Variants in RPTOR observed in about 807,000 individuals in gnomAD.
RPTOR encodes regulatory-associated protein of mTOR.
RPTOR carries 21 observed loss-of-function variants against 169.9 expected under a neutral mutation model. The ratio of observed to expected loss-of-function variants is 0.12; its 90% CI spans 0.09 to 0.18. The LOEUF is 0.18. RPTOR is among the 10% of genes least tolerant of loss of function. RPTOR has a pLI of 1.00. For synonymous variants in RPTOR, 732 were observed against 753.2 expected (o/e 0.97, Z 0.46); for missense variants, 1,133 against 1,855.9 (o/e 0.61, Z 7.16).
At chr17:80,603,099 G>C (rs1236474001) in intron 1 of RPTOR, among the ~76,000 whole-genome samples, 1 of 152,144 alleles carries the variant, frequency 6.6e-6, no homozygotes, top group Non-Finnish European at 1.5e-5. Context: ...TTTGGCGCCT[G>C]TCTCCCTCAT....
chr17:80,786,166 A>G (rs2066989578), intron 6 of RPTOR, among the ~76,000 whole-genome samples: 1 of 152,198 alleles, frequency 6.6e-6, no homozygotes. Context: ...TTTGCGTGAC[A>G]CATGTCTGTA....
chr17:80,884,540 T>A (rs2068221122), intron 16 of RPTOR, among the ~76,000 whole-genome samples: 1 of 152,186 alleles, frequency 6.6e-6, no homozygotes, highest in South Asian at 2.1e-4. Context: ...AGGCAAGGGC[T>A]AAGCCAGGGT....
chr17:80,593,447 C>T (rs2065122162), intron 1 of RPTOR: 1 of 154,766 alleles, frequency 6.5e-6, no homozygotes, highest in Non-Finnish European at 1.5e-5. Flanking sequence ...ACTTCAAGCA[C>T]CAGCTAGGAC....
At chr17:80,865,982 G>A (rs927866839) in intron 13 of RPTOR, among the ~76,000 whole-genome samples, 16 of 152,062 alleles carry the variant, frequency 1.1e-4, no homozygotes, top group African/African-American at 2.7e-4. Context: ...TAGTAGGAAT[G>A]TCTCTAAGCA....
intron 21 of RPTOR, among the ~76,000 whole-genome samples, chr17:80,915,244 C>T (rs566778727): frequency 1.0e-3 from 145 of 139,104 alleles, no homozygotes; most frequent in Admixed American, 3.7e-3. Context: ...GCTGAGCAGA[C>T]GTCGGGAAAA....
At chr17:80,839,346 AT>A (rs2067601670) in intron 10 of RPTOR, among the ~76,000 whole-genome samples, 1 of 152,000 alleles carries the variant, frequency 6.6e-6, no homozygotes, top group South Asian at 2.1e-4. Flanking sequence ...GATTGTGAAA[AT>A]TTTCAAACCT....
chr17:80,581,732 C>A, intron 1 of RPTOR, among the ~76,000 whole-genome samples: 1 of 152,074 alleles, frequency 6.6e-6, no homozygotes, highest in Non-Finnish European at 1.5e-5. Context: ...TGGGCCAGTG[C>A]ATGCCTGCTA....
rs987954843 is a variant in RPTOR, at chr17:80,823,493, G to A, written c.1136+270G>A. Reference sequence around the variant, plus strand: ...AGCCTCACAGCTCTGCAACTCGGGAGGGTAGCACTTTGCAAGAGAGTTTCT... The same window carrying A: ...AGCCTCACAGCTCTGCAACTCGGGAAGGTAGCACTTTGCAAGAGAGTTTCT... On this transcript the variant is annotated intron_variant, in intron 9 of 33. Transcript: ENST00000306801. The surrounding 1 kb of genome is among the most constrained non-coding windows in gnomAD (Gnocchi z 4.5). 7 of 359,150 alleles carry A rather than the reference G, an allele frequency of 1.9e-5. No individual in the cohort carries two copies. The Admixed American group carries it at 2.6e-4, about 13-fold the overall frequency. The allele number at this position is 359,150 out of a possible 1,614,324, so 22.2% of individuals were successfully genotyped here.
intron 3 of RPTOR, among the ~76,000 whole-genome samples, chr17:80,666,573 T>A (rs2065781479): frequency 6.6e-6 from 1 of 152,226 alleles, no homozygotes; most frequent in Non-Finnish European, 1.5e-5. Flanking sequence ...ACTTTGCTAG[T>A]TGCTGTGGAT....
At chr17:80,834,485 CA>C (rs2067541907) in intron 9 of RPTOR, among the ~76,000 whole-genome samples, 1 of 152,198 alleles carries the variant, frequency 6.6e-6, no homozygotes, top group Non-Finnish European at 1.5e-5. Flanking sequence ...CTCTGTGCAT[CA>C]GTGAAACCAG....
chr17:80,660,991 C>T (rs1249242460), intron 3 of RPTOR, among the ~76,000 whole-genome samples: 1 of 152,232 alleles, frequency 6.6e-6, no homozygotes, highest in African/African-American at 2.4e-5. Flanking sequence ...GTTTTCCTCT[C>T]CCTCTGCTGC....
Position 80,707,862 on chromosome 17 carries a change from G to T in RPTOR, c.370G>T (p.Asp124Tyr). Residue 124 changes from aspartate (D) to tyrosine (Y), a missense_variant, in exon 4 of 34, where the codon GAC becomes TAC. Around this residue, in one of 9 missense-constraint regions of RPTOR, gnomAD observed 74 missense variants for 168.3 expected, o/e 0.44. Coordinates refer to ENST00000306801, the MANE Select transcript of RPTOR (RefSeq NM_020761.3). The surrounding 1 kb of genome is among the most constrained non-coding windows in gnomAD (Gnocchi z 5.0). ...QPRARYKQSL[D>Y]PTVDEVKKLC... The stretch of plus-strand genomic sequence containing the variant: ...ACAGGCCCGGTACAAGCAGAGCCTT[G>T]ACCCAACTGTGGATGAAGTCAAGAA... 6.2e-7 allele frequency: 1 copy of T among 1,614,018 alleles called. No individual in the cohort carries two copies. Among genetic ancestry groups the T allele is most frequent in the South Asian group, 1.1e-5 (1 of 91,022 alleles).
rs976880957 is a variant in RPTOR, at chr17:80,965,567, G to A, written c.*1237G>A. ...GTGTTCGTCGGGAATCAGGATTATT[G>A]AGAGGTGAAGGAGCCAGGTGGCTTC... On this transcript the variant is annotated 3_prime_UTR_variant, in exon 34 of 34. Transcript: ENST00000306801. 37 of 233,288 alleles carry A rather than the reference G, an allele frequency of 1.6e-4. No homozygotes were observed. Among genetic ancestry groups the A allele is most frequent in the African/African-American group, 7.9e-4 (36 of 45,372 alleles). The allele number at this position is 233,288 out of a possible 1,614,324, so 14.5% of individuals were successfully genotyped here. A position where few individuals can be genotyped will look rare whatever the true frequency, so the allele number is the denominator to read the frequency against.
At chr17:80,546,803 C>T (rs962416669) in intron 1 of RPTOR, among the ~76,000 whole-genome samples, 1 of 152,150 alleles carries the variant, frequency 6.6e-6, no homozygotes, top group Admixed American at 6.5e-5. Context: ...CCTGTAATCT[C>T]AGCACTTTGG....
chr17:80,740,587 T>A (rs2066473473), intron 5 of RPTOR, among the ~76,000 whole-genome samples: 1 of 152,142 alleles, frequency 6.6e-6, no homozygotes, highest in Admixed American at 6.5e-5. Flanking sequence ...ACTTAGTGAG[T>A]TTTTTTACGG....
Position 80,800,908 on chromosome 17 carries a change from C to T in RPTOR, c.890+9399C>T, listed in dbSNP as rs1197297500. Among the ~76,000 whole-genome samples, 4 of 152,214 alleles carry T rather than the reference C, an allele frequency of 2.6e-5. No homozygotes were observed. The South Asian group carries it at 8.3e-4, about 32-fold the overall frequency. On this transcript the variant is annotated intron_variant, in intron 7 of 33. Coordinates refer to ENST00000306801, the MANE Select transcript of RPTOR (RefSeq NM_020761.3). Reference sequence around the variant, plus strand: ...TGTGTACACAGCATATTTTAAACCGCTAACAATCCATTGTCGTGAATAAGT... The same window carrying T: ...TGTGTACACAGCATATTTTAAACCGTTAACAATCCATTGTCGTGAATAAGT...
chr17:80,698,806 T>C (rs2066058973), intron 3 of RPTOR, among the ~76,000 whole-genome samples: 1 of 152,260 alleles, frequency 6.6e-6, no homozygotes, highest in Admixed American at 6.5e-5. Context: ...GTCTTGCTCA[T>C]GGAAGGCTGT....
At chr17:80,771,726 G>T (rs60956249) in intron 6 of RPTOR, among the ~76,000 whole-genome samples, 41,328 of 151,752 alleles carry the variant, frequency 0.27, 5,799 homozygotes, top group African/African-American at 0.33. Flanking sequence ...GTGGAGGCCA[G>T]CTGGCATCTC....
chr17:80,587,971 C>T (rs1409779726), intron 1 of RPTOR, among the ~76,000 whole-genome samples: 1 of 152,148 alleles, frequency 6.6e-6, no homozygotes, highest in Non-Finnish European at 1.5e-5. Flanking sequence ...TTCTACTCTG[C>T]TTCTGTGAGT....
Sources: allele counts gnomAD v4.1 joint callset (sites outside exome capture counted in the v4.1 genomes callset), GRCh38; gene constraint gnomAD v4.1.1; regional missense constraint gnomAD v4.1.1; non-coding constraint Gnocchi (gnomAD v3.1); transcripts MANE v1.5; gene names NCBI Gene and HGNC (gene_info 2026-07-23, HGNC 2026-07-21).